USP48: variants seen among roughly 807,000 people sequenced by gnomAD.
USP48 encodes the protein ubiquitin carboxyl-terminal hydrolase 48.
USP48 carries 43 observed loss-of-function variants against 150.7 expected under a neutral mutation model. The observed-to-expected ratio is 0.29, with a 90% CI of 0.22 to 0.37. The LOEUF (loss-of-function observed/expected upper bound fraction) is 0.37, where lower values mean the gene tolerates loss of function less well. USP48 is among the 10% of genes least tolerant of loss of function. USP48 has a pLI of 1.00. For missense variants in USP48, 813 were observed against 1,249.6 expected, an observed-to-expected ratio of 0.65 and a Z score of 5.27; for synonymous variants, 396 against 425.9, an observed-to-expected ratio of 0.93 and a Z score of 0.86.
chr1:21,728,479 A>G, intron 11 of USP48, 91 bp downstream of exon 11: 1 of 1,515,260 alleles, frequency 6.6e-7, no homozygotes. Flanking sequence ...TAGAAAGAGT[A>G]AGTTTGAGAA....
intron 25 of USP48, among the ~76,000 whole-genome samples, chr1:21,682,874 G>GC (rs1553517903): frequency 8.2e-6 from 1 of 121,806 alleles, no homozygotes; most frequent in Non-Finnish European, 1.8e-5. Context: ...CTCCATCTCA[G>GC]AAAAAAAAAA....
In USP48 at chr1:21,783,030, T is replaced by C; in HGVS notation, c.-73A>G. The C allele has an allele frequency of 3.5e-6, 5 of 1,423,998 alleles. No homozygotes were observed. Among genetic ancestry groups the C allele is most frequent in the Non-Finnish European group, 4.5e-6 (5 of 1,099,444 alleles). The allele number at this position is 1,423,998 out of a possible 1,614,324, so 88.2% of individuals were successfully genotyped here. On this transcript the variant is annotated 5_prime_UTR_variant, in exon 1 of 27. Coordinates refer to ENST00000308271, the MANE Select transcript of USP48 (RefSeq NM_032236.8). ...GCCGCGGTCTGCACCGCCGCCCCAA[T>C]GGGCTTCGCCACCTGCCAGCAAGGA...
intron 1 of USP48, among the ~76,000 whole-genome samples, chr1:21,766,150 T>G (rs1378634491): frequency 6.6e-6 from 1 of 152,088 alleles, no homozygotes; most frequent in Non-Finnish European, 1.5e-5. Flanking sequence ...GGAGGATCAC[T>G]TGAGGCTAGG....
chr1:21,699,814 C>CCACACACACACACACACA (rs10660046), intron 22 of USP48, among the ~76,000 whole-genome samples: 85 of 149,264 alleles, frequency 5.7e-4, no homozygotes, highest in Non-Finnish European at 1.0e-3. Flanking sequence ...CTGCGCCTGG[C>CCACACACACACACACACA]CACACACACA....
At chr1:21,679,504 T>C in intron 26 of USP48, 65 bp from the exon 27 acceptor site, 2 of 1,584,016 alleles carry the variant, frequency 1.3e-6, no homozygotes, top group African/African-American at 1.3e-5. Context: ...ATGGATTCCA[T>C]TTACCAAGAA....
chr1:21,728,238 C>T, intron 11 of USP48: 1 of 1,036,874 alleles, frequency 9.6e-7, no homozygotes, highest in East Asian at 8.2e-5. Context: ...AGGCAAGTTG[C>T]TTTTTCCATA....
intron 24 of USP48, among the ~76,000 whole-genome samples, chr1:21,689,217 CTT>C (rs11403689): frequency 1.5e-5 from 2 of 133,260 alleles, no homozygotes; most frequent in African/African-American, 2.8e-5. Context: ...CCATTTTTTG[CTT>C]TTTTTTTTTG....
intron 1 of USP48, among the ~76,000 whole-genome samples, chr1:21,770,389 T>C (rs2097876009): frequency 6.6e-6 from 1 of 151,780 alleles, no homozygotes; most frequent in African/African-American, 2.4e-5. Context: ...AAATGGAAGA[T>C]AAGGGTGTCT....
At position 21,718,582 on chromosome 1, in the gene USP48, G is replaced by A. The variant is rs1201300886; in HGVS notation, c.1894+2454C>T. 6.1e-5 allele frequency among the ~76,000 whole-genome samples: 9 copies of A among 147,338 alleles called. No individual in the cohort carries two copies. In the South Asian group the frequency reaches 1.3e-3, roughly 21 times the overall value. On this transcript the variant is annotated intron_variant, in intron 14 of 26. Transcript: ENST00000308271. ...CCTTTTTCTTTTTTTTTTTTGAGAC[G>A]GTGTCGTGCTCTGTCGCCCAGGCTG...
At chr1:21,736,318 G>C in intron 9 of USP48, 128 bp downstream of exon 9, 1 of 981,446 alleles carries the variant, frequency 1.0e-6, no homozygotes, top group South Asian at 1.8e-5. Flanking sequence ...TTTTACATGT[G>C]TTTAAGAAAT....
At chr1:21,752,848 A>G in intron 4 of USP48, 144 bp downstream of exon 4, 2 of 1,246,306 alleles carry the variant, frequency 1.6e-6, no homozygotes, top group Non-Finnish European at 2.2e-6. Context: ...TGTGTAAACT[A>G]TTGGACAGTA....
chr1:21,700,730 ACT>A (rs113585982), intron 22 of USP48, among the ~76,000 whole-genome samples: 2,867 of 152,296 alleles, frequency 0.019, 60 homozygotes, highest in African/African-American at 0.044. Context: ...AGAAGCTGAA[ACT>A]TATCTCCACC....
At chr1:21,750,183 G>A (rs771823374) in intron 6 of USP48, among the ~76,000 whole-genome samples, 2 of 151,996 alleles carry the variant, frequency 1.3e-5, no homozygotes, top group African/African-American at 4.8e-5. Flanking sequence ...TCACCTCCAC[G>A]ACTTTATCTT....
At chr1:21,756,228 C>T (rs911033164) in intron 3 of USP48, among the ~76,000 whole-genome samples, 11 of 151,862 alleles carry the variant, frequency 7.2e-5, no homozygotes, top group Non-Finnish European at 2.9e-5. Flanking sequence ...CACCTGTAGT[C>T]GCAGCACTTT....
intron 14 of USP48, among the ~76,000 whole-genome samples, chr1:21,719,735 T>TGC (rs2097714771): frequency 6.6e-6 from 1 of 151,846 alleles, no homozygotes; most frequent in Admixed American, 6.6e-5. Flanking sequence ...GGCGTGGTGG[T>TGC]GTGCACCTGT....
chr1:21,690,278 T>C (rs2097593984), intron 23 of USP48, among the ~76,000 whole-genome samples, 179 bp from the exon 24 acceptor site: 1 of 151,790 alleles, frequency 6.6e-6, no homozygotes, highest in Non-Finnish European at 1.5e-5. Context: ...TCCCTATATA[T>C]CCGGGAACAT....
intron 9 of USP48, among the ~76,000 whole-genome samples, chr1:21,730,406 C>A (rs1342224971): frequency 6.6e-6 from 1 of 151,288 alleles, no homozygotes; most frequent in Non-Finnish European, 1.5e-5. Context: ...CACACTCCAG[C>A]CTGGGTGACA....
rs2097918546 is a variant in USP48, at chr1:21,783,038, G to T, written c.-81C>A. 1 of 1,409,598 alleles carries T rather than the reference G, an allele frequency of 7.1e-7. No homozygotes were observed. The highest frequency in any genetic ancestry group is 9.2e-7 in the Non-Finnish European group (1 of 1,091,706). The allele number at this position is 1,409,598 out of a possible 1,614,324, so 87.3% of individuals were successfully genotyped here. On this transcript the variant is annotated 5_prime_UTR_variant, in exon 1 of 27. Coordinates refer to ENST00000308271, the MANE Select transcript of USP48 (RefSeq NM_032236.8). ...CTGCACCGCCGCCCCAATGGGCTTC[G>T]CCACCTGCCAGCAAGGAGGACCTGG...
chr1:21,686,528 T>G (rs563215415), intron 25 of USP48: 1 of 152,430 alleles, frequency 6.6e-6, no homozygotes, highest in Non-Finnish European at 1.5e-5. Flanking sequence ...GAAATCTCAC[T>G]TGATCATACA....
Sources: gnomAD v4.1 joint callset for allele counts (sites outside exome capture counted in the v4.1 genomes callset) on GRCh38, gnomAD v4.1.1 for gene constraint, MANE v1.5 for transcripts, NCBI Gene and HGNC (gene_info 2026-07-23, HGNC 2026-07-21) for gene names.